The following CDH10 variants were observed in gnomAD, a reference collection of about 807,000 sequenced individuals.
CDH10 encodes the protein cadherin-10.
A neutral mutation model predicts 73.1 loss-of-function variants in CDH10; 30 were observed. That is an observed-to-expected ratio of 0.41 (90% confidence interval 0.31 to 0.56). The LOEUF is 0.56. CDH10 is among the 20% of genes least tolerant of loss of function. CDH10 has a pLI of 0.27. For missense variants in CDH10, 815 were observed against 973.7 expected, an observed-to-expected ratio of 0.84 and a Z score of 2.17; for synonymous variants, 345 against 348.2, an observed-to-expected ratio of 0.99 and a Z score of 0.10.
chr5:24,628,599 T>C (rs1181345330), intron 1 of CDH10, among the ~76,000 whole-genome samples: 12 of 152,118 alleles, frequency 7.9e-5, no homozygotes, highest in Non-Finnish European at 1.3e-4. Context: ...GATACTTTTT[T>C]ACCCTATTTG....
At chr5:24,598,654 T>C (rs1746456495) in intron 1 of CDH10, among the ~76,000 whole-genome samples, 1 of 151,996 alleles carries the variant, frequency 6.6e-6, no homozygotes, top group Non-Finnish European at 1.5e-5. Flanking sequence ...TTGAATGAAA[T>C]ATACAACACA....
At chr5:24,504,905 C>T (rs1253643396) in intron 8 of CDH10, among the ~76,000 whole-genome samples, 1 of 152,052 alleles carries the variant, frequency 6.6e-6, no homozygotes, top group African/African-American at 2.4e-5. Flanking sequence ...TTTGCATCTT[C>T]TACCAATATG....
chr5:24,493,995 A>G lies in CDH10; in HGVS notation c.1516-1070T>C, dbSNP rs114926344. Among the ~76,000 whole-genome samples the G allele has an allele frequency of 5.7e-3, 865 of 152,094 alleles. 8 individuals are homozygous for G. The highest frequency in any genetic ancestry group is 0.02 in the African/African-American group (837 of 41,580). On this transcript the variant is annotated intron_variant, in intron 9 of 11. Transcript: ENST00000264463. ...TTTAAAATGTCTTAGAGCAATGAAA[A>G]TGTGATATATTTGTGGTAGCAATCT...
In CDH10 at chr5:24,614,733, A is replaced by C. The variant is rs1283225346; in HGVS notation, c.-123-21120T>G. 2.6e-5 allele frequency among the ~76,000 whole-genome samples: 4 copies of C among 152,314 alleles called. No individual in the cohort carries two copies. The East Asian group carries it at 5.8e-4, about 22-fold the overall frequency. On this transcript the variant is annotated intron_variant, in intron 1 of 11. Transcript: ENST00000264463. ...ATAATTATCTTTGCCAACTAGATTA[A>C]AATTTGATATTTGGGAGTATTTTAT... is the stretch of plus-strand genomic sequence containing the variant.
At chr5:24,618,388 T>A (rs1002891494) in intron 1 of CDH10, among the ~76,000 whole-genome samples, 1 of 152,216 alleles carries the variant, frequency 6.6e-6, no homozygotes, top group Non-Finnish European at 1.5e-5. Flanking sequence ...GTTTTTTAAA[T>A]CCTTTCAATT....
intron 5 of CDH10, among the ~76,000 whole-genome samples, chr5:24,511,913 C>T (rs1742926997): frequency 6.6e-6 from 1 of 152,052 alleles, no homozygotes; most frequent in African/African-American, 2.4e-5. Flanking sequence ...CGTTATCACT[C>T]ATAAGTGGGA....
chr5:24,510,916 A>G (rs1742879079), intron 6 of CDH10, among the ~76,000 whole-genome samples: 1 of 152,210 alleles, frequency 6.6e-6, no homozygotes, highest in Admixed American at 6.5e-5. Flanking sequence ...CTCTTTTATT[A>G]GTAACTCTAA....
intron 2 of CDH10, among the ~76,000 whole-genome samples, chr5:24,556,919 C>T (rs1744788064): frequency 1.3e-5 from 2 of 151,504 alleles, no homozygotes; most frequent in African/African-American, 4.8e-5. Flanking sequence ...TATATATTCC[C>T]AATTACTTCA....
At chr5:24,626,195 G>A (rs1364640954) in intron 1 of CDH10, among the ~76,000 whole-genome samples, 4 of 152,070 alleles carry the variant, frequency 2.6e-5, no homozygotes, top group Admixed American at 1.3e-4. Context: ...TGTGGTTGAC[G>A]ACTATGTGAA....
intron 1 of CDH10, among the ~76,000 whole-genome samples, chr5:24,608,530 A>T (rs1159818631): frequency 6.6e-6 from 1 of 152,120 alleles, no homozygotes; most frequent in Non-Finnish European, 1.5e-5. Context: ...TGACCTCATG[A>T]TCCGCCCGTC....
At chr5:24,636,442 A>G (rs1273292743) in intron 1 of CDH10, among the ~76,000 whole-genome samples, 1 of 151,960 alleles carries the variant, frequency 6.6e-6, no homozygotes, top group African/African-American at 2.4e-5. Context: ...GCAGTCTCCT[A>G]TTAAACATGA....
intron 7 of CDH10, 25 bp from the exon 8 acceptor site, chr5:24,505,273 T>A (rs767814386): frequency 6.2e-7 from 1 of 1,602,608 alleles, no homozygotes. Context: ...CAAGAAAAAA[T>A]ACATGGCAGC....
intron 1 of CDH10, among the ~76,000 whole-genome samples, chr5:24,600,097 T>C (rs549012439): frequency 1.3e-5 from 2 of 152,202 alleles, no homozygotes; most frequent in African/African-American, 4.8e-5. Flanking sequence ...TGTACTTACA[T>C]TGTAGTTTTC....
intron 9 of CDH10, among the ~76,000 whole-genome samples, chr5:24,495,890 A>T (rs1742267349): frequency 6.6e-6 from 1 of 151,906 alleles, no homozygotes; most frequent in Admixed American, 6.6e-5. Flanking sequence ...AAAAGAAAAA[A>T]AAAGCACCCT....
At chr5:24,604,109 G>A (rs1261150980) in intron 1 of CDH10, among the ~76,000 whole-genome samples, 1 of 152,186 alleles carries the variant, frequency 6.6e-6, no homozygotes, top group East Asian at 1.9e-4. Context: ...AACCCTTTGG[G>A]AGGCAGAGGC....
chr5:24,535,618 T>G (rs1171337171), intron 4 of CDH10, 85 bp downstream of exon 4: 1 of 1,240,496 alleles, frequency 8.1e-7, no homozygotes, highest in African/African-American at 1.5e-5. Context: ...ATGTTAAGGT[T>G]TTGTTCTTAT....
intron 1 of CDH10, among the ~76,000 whole-genome samples, chr5:24,640,016 G>A (rs1747993073): frequency 6.6e-6 from 1 of 151,708 alleles, no homozygotes; most frequent in Non-Finnish European, 1.5e-5. Flanking sequence ...TTATAAAAGA[G>A]TTGCTTTCAT....
At chr5:24,640,850 A>C (rs553444251) in intron 1 of CDH10, among the ~76,000 whole-genome samples, 20 of 152,066 alleles carry the variant, frequency 1.3e-4, no homozygotes, top group African/African-American at 4.3e-4. Context: ...AAATCAGATA[A>C]AAATATAAAG....
intron 1 of CDH10, among the ~76,000 whole-genome samples, chr5:24,625,547 G>GTATA (rs371944787): frequency 5.5e-5 from 5 of 90,372 alleles, no homozygotes; most frequent in Non-Finnish European, 1.2e-4. Context: ...TTATCTATCT[G>GTATA]TATATATATA....
Sources: gnomAD v4.1 joint callset for allele counts (sites outside exome capture counted in the v4.1 genomes callset) on GRCh38, gnomAD v4.1.1 for gene constraint, MANE v1.5 for transcripts, NCBI Gene and HGNC (gene_info 2026-07-23, HGNC 2026-07-21) for gene names.